ZNF565: variants seen among roughly 807,000 people sequenced by gnomAD.
ZNF565 encodes the protein zinc finger protein 565.
Under a neutral mutation model 39.4 loss-of-function variants are expected in ZNF565, and 27 were observed. The ratio of observed to expected loss-of-function variants is 0.69; its 90% CI spans 0.51 to 0.95. The LOEUF (loss-of-function observed/expected upper bound fraction) is 0.95. Among genes scored for constraint, ZNF565 ranks in the 40% least tolerant of loss-of-function variants. The pLI, the probability that ZNF565 is intolerant of heterozygous loss-of-function variation, is 0.00. For synonymous variants in ZNF565, 185 were observed against 216.6 expected (o/e 0.85, Z 1.28); for missense variants, 524 against 621.1 (o/e 0.84, Z 1.66).
At chr19:36,205,399 C>T (rs528645302) in intron 1 of ZNF565, among the ~76,000 whole-genome samples, 5 of 151,938 alleles carry the variant, frequency 3.3e-5, no homozygotes, top group Admixed American at 6.6e-5. Context: ...TGGTGGGGGG[C>T]GCTTATAATC....
intron 4 of ZNF565, among the ~76,000 whole-genome samples, chr19:36,192,045 G>A (rs866429670): frequency 2.0e-5 from 3 of 147,618 alleles, no homozygotes; most frequent in African/African-American, 5.0e-5. Flanking sequence ...CTGGAGTGCA[G>A]TGGCGTGATC....
chr19:36,245,520 C>G lies in ZNF565; in HGVS notation c.11G>C (p.Gly4Ala), dbSNP rs1057382264. ...TGCGAGGGACCACCTTTCCCAGGGTCCACGGCGCATTTAGGTGGTGGCTTG... is the reference window on the plus strand; with the variant it reads ...TGCGAGGGACCACCTTTCCCAGGGTGCACGGCGCATTTAGGTGGTGGCTTG... The change falls in exon 1 of 5, where the codon GGA (glycine) becomes GCA (alanine). Residue 4 changes from glycine (G) to alanine (A), a missense_variant. Physicochemically the swap from Gly to Ala is moderately conservative, Grantham distance 60 (BLOSUM62 0). Transcript: ENST00000355114. This position sits in a 1 kb window ranked among gnomAD's most constrained non-coding sequence, Gnocchi z 4.4. 4.3e-6 allele frequency: 3 copies of G among 702,326 alleles called. No homozygotes were observed. The highest frequency in any genetic ancestry group is 5.2e-6 in the Non-Finnish European group (2 of 384,826). 43.5% of individuals were successfully genotyped at this position (702,326 alleles called of 1,614,324 possible).
chr19:36,195,302 TG>T (rs1442507458), intron 2 of ZNF565, 146 bp from the exon 3 acceptor site: 2 of 965,162 alleles, frequency 2.1e-6, no homozygotes, highest in Non-Finnish European at 3.1e-6. Flanking sequence ...GTTAACAAGG[TG>T]TACCCTGTTT....
intron 1 of ZNF565, among the ~76,000 whole-genome samples, chr19:36,230,959 G>A (rs1462463726): frequency 6.6e-6 from 1 of 151,770 alleles, no homozygotes; most frequent in Non-Finnish European, 1.5e-5. Flanking sequence ...CTGCCACCAC[G>A]CCGGCTAATT....
At chr19:36,191,316 T>TTTC (rs1975532800) in intron 4 of ZNF565, among the ~76,000 whole-genome samples, 1 of 113,830 alleles carries the variant, frequency 8.8e-6, no homozygotes, top group South Asian at 2.3e-4. Context: ...TTTTCTTTCT[T>TTTC]TTTTTTTTTT....
intron 4 of ZNF565, among the ~76,000 whole-genome samples, chr19:36,188,783 T>C (rs1263338722): frequency 6.6e-6 from 1 of 151,432 alleles, no homozygotes; most frequent in Non-Finnish European, 1.5e-5. Context: ...GTGTATATAA[T>C]ATGTACACAT....
At position 36,195,261 on chromosome 19, in the gene ZNF565, G is replaced by GC. The variant is rs1975715504; in HGVS notation, c.10-106dup. ...GTACAGAGAATAGTTGACAGTAATG[G>GC]CCCCCCGATATGCACCAGTCTGCTT... On this transcript the variant is annotated intron_variant, in intron 2 of 4. Transcript: ENST00000304116. 2.9e-6 allele frequency: 4 copies of GC among 1,366,584 alleles called. No homozygotes were observed. The South Asian group carries it at 5.5e-5, about 19-fold the overall frequency. 84.7% of individuals were successfully genotyped at this position (1,366,584 alleles called of 1,614,324 possible).
At chr19:36,203,319 A>C (rs1012864072) in intron 1 of ZNF565, 4 of 148,360 alleles carry the variant, frequency 2.7e-5, no homozygotes, top group African/African-American at 1.0e-4. Context: ...CTGGGCAATA[A>C]AAACAAAACT....
In ZNF565 at chr19:36,195,124, C is replaced by T. The variant is rs1568415875; in HGVS notation, c.42G>A (p.Glu14=). 4 of 1,614,166 alleles carry T rather than the reference C, an allele frequency of 2.5e-6. No individual in the cohort carries two copies. Among genetic ancestry groups the T allele is most frequent in the Non-Finnish European group, 3.4e-6 (4 of 1,180,014 alleles). Residue 14 remains glutamate, a synonymous_variant, in exon 3 of 5, where the codon GAG becomes GAA. Transcript: ENST00000304116. ...GLVTFRDVAI[E]FSLEEWKCLE... is the part of the protein sequence containing the mutation. ...GGCACTTCCATTCTTCCAGAGAGAACTCTATGGCCACGTCCCTGAATGTCA... is the reference window on the plus strand; with the variant it reads ...GGCACTTCCATTCTTCCAGAGAGAATTCTATGGCCACGTCCCTGAATGTCA...
intron 4 of ZNF565, among the ~76,000 whole-genome samples, chr19:36,187,340 TTTTA>T (rs1424311846): frequency 1.3e-5 from 2 of 151,922 alleles, no homozygotes; most frequent in African/African-American, 4.8e-5. Context: ...ATATATTTAT[TTTTA>T]TTTATTTTTT....
At chr19:36,217,885 C>CAAAAAAA, upstream of ZNF565, among the ~76,000 whole-genome samples, 1 of 133,272 alleles carries the variant, frequency 7.5e-6, no homozygotes, top group Non-Finnish European at 1.6e-5. Context: ...AACTCCATCT[C>CAAAAAAA]AAAAAAAAAA....
At chr19:36,237,126 T>G in intron 1 of ZNF565, 1 of 1,614,156 alleles carries the variant, frequency 6.2e-7, no homozygotes, top group Non-Finnish European at 8.5e-7. Context: ...TCTCTCACTG[T>G]GCATGTGAGA....
At position 36,183,880 on chromosome 19, in the gene ZNF565, T is replaced by A. The variant is rs1190446481; in HGVS notation, c.233-147A>T. The A allele has an allele frequency of 1.8e-5, 12 of 669,376 alleles. No individual in the cohort carries two copies. In the African/African-American group the frequency reaches 2.2e-4, roughly 12 times the overall value. 41.5% of individuals were successfully genotyped at this position (669,376 alleles called of 1,614,324 possible). On this transcript the variant is annotated intron_variant, in intron 4 of 4. Coordinates refer to ENST00000304116, the MANE Select transcript of ZNF565 (RefSeq NM_152477.5). ...GGCGGGTGGATCACAAGGTCGGGAG[T>A]TCACCTGGCCAAGATGGTGAAACCC... is the stretch of plus-strand genomic sequence containing the variant.
At chr19:36,232,693 C>G (rs1977438520) in intron 1 of ZNF565, among the ~76,000 whole-genome samples, 2 of 151,296 alleles carry the variant, frequency 1.3e-5, no homozygotes, top group African/African-American at 4.9e-5. Context: ...ACTACAACCT[C>G]CACCTCCCGG....
intron 2 of ZNF565, among the ~76,000 whole-genome samples, chr19:36,200,823 C>T (rs1056348401): frequency 6.6e-6 from 1 of 151,908 alleles, no homozygotes; most frequent in African/African-American, 2.4e-5. Flanking sequence ...CTCGCTGTGT[C>T]GCCCAAGCCG....
intron 1 of ZNF565, among the ~76,000 whole-genome samples, chr19:36,207,263 G>A (rs1976189171): frequency 6.6e-6 from 1 of 152,166 alleles, no homozygotes. Flanking sequence ...TTTAAAAGGG[G>A]CGGGGCACAG....
chr19:36,240,467 G>T (rs1034737040), intron 1 of ZNF565, among the ~76,000 whole-genome samples: 2 of 152,192 alleles, frequency 1.3e-5, no homozygotes, highest in African/African-American at 4.8e-5. Context: ...AGATCAGTGG[G>T]AAGAGAATTG....
intron 1 of ZNF565, chr19:36,237,493 A>C: frequency 1.5e-6 from 1 of 688,000 alleles, no homozygotes; most frequent in Non-Finnish European, 2.3e-6. Context: ...CATGCATATG[A>C]TTAAAACCCT....
chr19:36,234,165 T>A (rs1311412825), intron 1 of ZNF565, among the ~76,000 whole-genome samples: 1 of 152,174 alleles, frequency 6.6e-6, no homozygotes, highest in Non-Finnish European at 1.5e-5. Context: ...AACGCTGAGT[T>A]GACACAGCAC....
Sources: gnomAD v4.1 joint callset for allele counts (sites outside exome capture counted in the v4.1 genomes callset) on GRCh38, gnomAD v4.1.1 for gene constraint, Gnocchi (gnomAD v3.1) non-coding constraint, MANE v1.5 for transcripts, NCBI Gene and HGNC (gene_info 2026-07-23, HGNC 2026-07-21) for gene names.